SEPTIN9: variants seen among roughly 807,000 people sequenced by gnomAD.
SEPTIN9 encodes the protein septin-9.
Under a neutral mutation model 56.6 loss-of-function variants are expected in SEPTIN9, and 13 were observed. The ratio of observed to expected loss-of-function variants is 0.23; its 90% CI spans 0.15 to 0.37. The LOEUF is 0.37. Ranked by LOEUF, SEPTIN9 falls within the 10% of genes least tolerant of loss-of-function variation. SEPTIN9 has a pLI of 1.00. For missense variants in SEPTIN9, 650 were observed against 823.1 expected, an observed-to-expected ratio of 0.79 and a Z score of 2.57; for synonymous variants, 332 against 334.1, an observed-to-expected ratio of 0.99 and a Z score of 0.07.
chr17:77,472,244 T>G (rs2039033246), intron 3 of SEPTIN9, among the ~76,000 whole-genome samples: 1 of 152,142 alleles, frequency 6.6e-6, no homozygotes, highest in South Asian at 2.1e-4. Context: ...CAAATTTGAC[T>G]TTACCGACTG....
rs1170306643 is a variant in SEPTIN9, at chr17:77,401,474, G to A, written c.77-585G>A. ...CAAGAAGGAAATCAAGGCCGGGCAC[G>A]GTGGCGCACGCCTGTAATCCCAGCA... On this transcript the variant is annotated intron_variant, in intron 2 of 11. Coordinates refer to ENST00000427177, the MANE Select transcript of SEPTIN9 (RefSeq NM_001113491.2). Among the ~76,000 whole-genome samples the A allele has an allele frequency of 5.9e-5, 9 of 152,232 alleles. No homozygotes were observed. In the South Asian group the frequency reaches 8.3e-4, roughly 14 times the overall value.
rs184661997 is a variant in SEPTIN9, at chr17:77,361,854, G to A, written c.77-40205G>A. ...TCACCGTGTTAGCCAGGATGGTCTC[G>A]ATCTCTTGACCTCGTGATCCGCCCG... is the stretch of plus-strand genomic sequence containing the variant. On this transcript the variant is annotated intron_variant, in intron 2 of 11. Transcript: ENST00000427177. 2.5e-3 allele frequency among the ~76,000 whole-genome samples: 376 copies of A among 151,636 alleles called. 4 individuals carry two copies. Among genetic ancestry groups the A allele is most frequent in the Admixed American group, 0.023 (353 of 15,226 alleles).
chr17:77,306,412 G>T (rs776152138), intron 1 of SEPTIN9, among the ~76,000 whole-genome samples: 1 of 152,212 alleles, frequency 6.6e-6, no homozygotes, highest in Non-Finnish European at 1.5e-5. Context: ...GCAGCCTTTC[G>T]GGTTTGCTTG....
chr17:77,497,992 A>G (rs1171586521), intron 11 of SEPTIN9, among the ~76,000 whole-genome samples: 1 of 151,808 alleles, frequency 6.6e-6, no homozygotes, highest in Non-Finnish European at 1.5e-5. Context: ...GGGCTTTCCA[A>G]CCTCCCTCCA....
rs946233987 is a variant in SEPTIN9, at chr17:77,369,837, G to A, written c.77-32222G>A. Among the ~76,000 whole-genome samples, 1 of 152,204 alleles carries A rather than the reference G, an allele frequency of 6.6e-6. No individual in the cohort carries two copies. The highest frequency in any genetic ancestry group is 6.5e-5 in the Admixed American group (1 of 15,286). Reference sequence around the variant, plus strand: ...GGAGGGGGGTCATGGATATGGATGTGTGCGCCAAACGCTGCTTCCTCGTGG... The same window carrying A: ...GGAGGGGGGTCATGGATATGGATGTATGCGCCAAACGCTGCTTCCTCGTGG... On this transcript the variant is annotated intron_variant, in intron 2 of 11. Transcript: ENST00000427177. This position sits in a 1 kb window ranked among gnomAD's most constrained non-coding sequence, Gnocchi z 4.9.
chr17:77,426,519 C>A (rs1361298238), intron 3 of SEPTIN9, among the ~76,000 whole-genome samples: 3 of 152,144 alleles, frequency 2.0e-5, no homozygotes, highest in Non-Finnish European at 4.4e-5. Context: ...CCTGGCCACT[C>A]CCCTCAGCCC....
At chr17:77,288,575 C>G (rs1273738597) in intron 1 of SEPTIN9, among the ~76,000 whole-genome samples, 1 of 152,240 alleles carries the variant, frequency 6.6e-6, no homozygotes, top group East Asian at 1.9e-4. Context: ...TCACAGCCTT[C>G]CCATGAACTA....
At position 77,491,433 on chromosome 17, in the gene SEPTIN9, AG is replaced by A. The variant is rs1313906245; in HGVS notation, c.1380+577del. Among the ~76,000 whole-genome samples the A allele has an allele frequency of 2.0e-5, 3 of 151,796 alleles. No homozygotes were observed. In the East Asian group the frequency reaches 6.0e-4, roughly 30 times the overall value. On this transcript the variant is annotated intron_variant, in intron 8 of 11. Coordinates refer to ENST00000427177, the MANE Select transcript of SEPTIN9 (RefSeq NM_001113491.2). ...GGCTGGTCTCTAACCCTTGGGCTCA[AG>A]GGATCCTCCTGCCTCAGCCTCCCAA...
At position 77,453,946 on chromosome 17, in the gene SEPTIN9, G is replaced by A. The variant is rs1164715163; in HGVS notation, c.722-28198G>A. ...GTCAAAGGTCTCAAGGCCCCTTTAA[G>A]AAGCCTGTCACCACCACCAGCAGCT... On this transcript the variant is annotated intron_variant, in intron 3 of 11. Coordinates refer to ENST00000427177, the MANE Select transcript of SEPTIN9 (RefSeq NM_001113491.2). The surrounding 1 kb of genome is among the most constrained non-coding windows in gnomAD (Gnocchi z 4.4). 3.3e-6 allele frequency: 2 copies of A among 614,216 alleles called. No individual in the cohort carries two copies. The highest frequency in any genetic ancestry group is 2.8e-4 in the East Asian group (2 of 7,130). 38.0% of individuals were successfully genotyped at this position (614,216 alleles called of 1,614,324 possible). A position where few individuals can be genotyped will look rare whatever the true frequency, so the allele number is the denominator to read the frequency against.
intron 2 of SEPTIN9, among the ~76,000 whole-genome samples, chr17:77,328,876 G>T (rs536372484): frequency 5.3e-4 from 81 of 152,352 alleles, no homozygotes; most frequent in African/African-American, 1.9e-3. Context: ...GCATATCTGT[G>T]TGTGTGGCGA....
chr17:77,488,584 G>A (rs1162544623), intron 6 of SEPTIN9, 143 bp from the exon 7 acceptor site: 17 of 1,192,996 alleles, frequency 1.4e-5, no homozygotes, highest in Non-Finnish European at 2.0e-5. Context: ...TAAGGCTGTG[G>A]CATCTCCGCT....
At chr17:77,354,593 G>A (rs745996415) in intron 2 of SEPTIN9, among the ~76,000 whole-genome samples, 6 of 152,266 alleles carry the variant, frequency 3.9e-5, no homozygotes, top group South Asian at 4.1e-4. Context: ...GCATGCGGCC[G>A]CTGCCGGGTG....
At position 77,329,844 on chromosome 17, in the gene SEPTIN9, ACAGCAC is replaced by A. The variant is rs1207812896; in HGVS notation, c.76+22652_76+22657del. On this transcript the variant is annotated intron_variant, in intron 2 of 11. Coordinates refer to ENST00000427177, the MANE Select transcript of SEPTIN9 (RefSeq NM_001113491.2). The surrounding 1 kb of genome is among the most constrained non-coding windows in gnomAD (Gnocchi z 4.3). The stretch of plus-strand genomic sequence containing the variant: ...GAGGCAGAACCTCCCTCCCATATTT[ACAGCAC>A]CAGCCAAGGCTTCGGGGTTTGGACA... 1.3e-5 allele frequency among the ~76,000 whole-genome samples: 2 copies of A among 152,106 alleles called. No individual in the cohort carries two copies. The highest frequency in any genetic ancestry group is 1.3e-4 in the Admixed American group (2 of 15,266).
rs976606903 is a variant in SEPTIN9 at position 77,313,280 on chromosome 17, T to C, written c.76+6083T>C. On this transcript the variant is annotated intron_variant, in intron 2 of 11. Transcript: ENST00000427177. This position sits in a 1 kb window ranked among gnomAD's most constrained non-coding sequence, Gnocchi z 4.5. ...TCAGGCTACAGCCCAGATGGTTGGC[T>C]GAGCACGAGCATGTGAGAGTGGAAT... Among the ~76,000 whole-genome samples, 1 of 152,180 alleles carries C rather than the reference T, an allele frequency of 6.6e-6. No individual in the cohort carries two copies. Among genetic ancestry groups the C allele is most frequent in the African/African-American group, 2.4e-5 (1 of 41,440 alleles).
At chr17:77,320,349 G>A (rs759541947) in intron 2 of SEPTIN9, 4 of 1,612,740 alleles carry the variant, frequency 2.5e-6, no homozygotes, top group Non-Finnish European at 3.4e-6. Flanking sequence ...CGGATCTCAG[G>A]TACGCAGACA....
chr17:77,399,610 G>A (rs1022981939), intron 2 of SEPTIN9, among the ~76,000 whole-genome samples: 2 of 152,198 alleles, frequency 1.3e-5, no homozygotes, highest in African/African-American at 2.4e-5. Flanking sequence ...CTGTACGGGG[G>A]CGGTAATAAT....
rs114915043 is a variant in SEPTIN9, at chr17:77,369,297, C to T, written c.77-32762C>T. Among the ~76,000 whole-genome samples the T allele has an allele frequency of 8.4e-3, 1,274 of 152,260 alleles. 28 individuals carry two copies. The highest frequency in any genetic ancestry group is 0.029 in the African/African-American group (1,213 of 41,538). On this transcript the variant is annotated intron_variant, in intron 2 of 11. Transcript: ENST00000427177. The surrounding 1 kb of genome is among the most constrained non-coding windows in gnomAD (Gnocchi z 4.9). ...TATTGACACCACAGGAATAGGCAAGCGCTACAAATCGGGAAACTGAGTGTT... is the reference window on the plus strand; with the variant it reads ...TATTGACACCACAGGAATAGGCAAGTGCTACAAATCGGGAAACTGAGTGTT...
chr17:77,291,292 C>A (rs1303637352), intron 1 of SEPTIN9, among the ~76,000 whole-genome samples: 1 of 150,110 alleles, frequency 6.7e-6, no homozygotes, highest in Non-Finnish European at 1.5e-5. Context: ...CCTTGGCCTC[C>A]CAAAGTGCTG....
intron 2 of SEPTIN9, chr17:77,397,032 A>G (rs2035739795): frequency 6.5e-6 from 1 of 154,786 alleles, no homozygotes; most frequent in Non-Finnish European, 1.5e-5. Flanking sequence ...TGACCACACC[A>G]GCTAGCCTCA....
Sources: allele counts gnomAD v4.1 joint callset (sites outside exome capture counted in the v4.1 genomes callset), GRCh38; gene constraint gnomAD v4.1.1; non-coding constraint Gnocchi (gnomAD v3.1); transcripts MANE v1.5; gene names NCBI Gene and HGNC (gene_info 2026-07-23, HGNC 2026-07-21).